THSD7B: variants seen among roughly 807,000 people sequenced by gnomAD.
THSD7B encodes the protein thrombospondin type 1 domain containing 7B.
In THSD7B, 138 loss-of-function variants were observed where a neutral mutation model predicts 213.6. The ratio of observed to expected loss-of-function variants is 0.65; its 90% CI spans 0.56 to 0.74. THSD7B has a LOEUF of 0.74. Among genes scored for constraint, THSD7B ranks in the 30% least tolerant of loss-of-function variants. The pLI, the probability that THSD7B is intolerant of heterozygous loss-of-function variation, is 0.00. For missense variants in THSD7B, 1,931 were observed against 1,991.5 expected (o/e 0.97, Z 0.58); for synonymous variants, 742 against 687.0 (o/e 1.08, Z -1.25).
At chr2:137,130,573 C>T (rs947282910) in intron 5 of THSD7B, among the ~76,000 whole-genome samples, 2 of 145,160 alleles carry the variant, frequency 1.4e-5, no homozygotes, top group African/African-American at 5.2e-5. Context: ...GTTCCCCTTC[C>T]TGTGTCCATG....
intron 3 of THSD7B, among the ~76,000 whole-genome samples, chr2:137,068,146 T>C (rs11902711): frequency 0.39 from 59,423 of 151,852 alleles, 13,777 homozygotes; most frequent in African/African-American, 0.65. Flanking sequence ...TCTGATGGAT[T>C]TAAGAAGGGT....
intron 7 of THSD7B, among the ~76,000 whole-genome samples, chr2:137,213,388 T>C (rs1681165355): frequency 6.8e-6 from 1 of 147,802 alleles, no homozygotes; most frequent in South Asian, 2.1e-4. Flanking sequence ...TATGTTATAA[T>C]ATGTACTATA....
intron 1 of THSD7B, among the ~76,000 whole-genome samples, chr2:136,866,944 C>CTT (rs36020398): frequency 2.0e-4 from 30 of 151,020 alleles, no homozygotes; most frequent in East Asian, 7.8e-4. Context: ...TAGCCCAGTT[C>CTT]TTTTTTTTTC....
intron 10 of THSD7B, among the ~76,000 whole-genome samples, chr2:137,269,302 T>C (rs1022737929): frequency 1.3e-5 from 2 of 152,226 alleles, no homozygotes; most frequent in African/African-American, 4.8e-5. Flanking sequence ...AATGCAACTG[T>C]TTTTCTCAAA....
intron 15 of THSD7B, among the ~76,000 whole-genome samples, chr2:137,486,967 C>T (rs1688461919): frequency 6.6e-6 from 1 of 152,104 alleles, no homozygotes; most frequent in African/African-American, 2.4e-5. Context: ...CACAACATAC[C>T]AGAATCTCTG....
At chr2:137,170,701 G>A (rs772741923) in intron 6 of THSD7B, 40 bp from the exon 7 acceptor site, 2 of 1,590,200 alleles carry the variant, frequency 1.3e-6, no homozygotes, top group Non-Finnish European at 1.7e-6. Flanking sequence ...TCCTGGAAAA[G>A]AGTGGAATTC....
intron 15 of THSD7B, among the ~76,000 whole-genome samples, chr2:137,463,602 G>T (rs537159394): frequency 6.6e-6 from 1 of 152,056 alleles, no homozygotes; most frequent in Middle Eastern, 3.4e-3. Context: ...AGCTTTATTG[G>T]CAATATTGGT....
At chr2:137,011,703 T>A (rs531355034) in intron 2 of THSD7B, among the ~76,000 whole-genome samples, 1 of 152,250 alleles carries the variant, frequency 6.6e-6, no homozygotes, top group South Asian at 2.1e-4. Flanking sequence ...AAGCTCCTTT[T>A]CCCTGTCCAA....
chr2:136,908,396 A>G (rs1293544110), intron 2 of THSD7B, among the ~76,000 whole-genome samples: 1 of 152,232 alleles, frequency 6.6e-6, no homozygotes, highest in African/African-American at 2.4e-5. Flanking sequence ...ATCTGAGGAA[A>G]CTAAGTCACG....
chr2:137,600,818 T>C (rs1682062738), intron 17 of THSD7B, among the ~76,000 whole-genome samples: 1 of 152,116 alleles, frequency 6.6e-6, no homozygotes, highest in Non-Finnish European at 1.5e-5. Flanking sequence ...ATGGATGCCA[T>C]TATTATTGTA....
At chr2:137,110,200 A>AT in intron 4 of THSD7B, among the ~76,000 whole-genome samples, 1 of 152,182 alleles carries the variant, frequency 6.6e-6, no homozygotes, top group Non-Finnish European at 1.5e-5. Flanking sequence ...ACCAGAAGGT[A>AT]ATCTTCCCAA....
At chr2:137,317,068 C>T (rs140182823) in intron 12 of THSD7B, among the ~76,000 whole-genome samples, 1 of 152,276 alleles carries the variant, frequency 6.6e-6, no homozygotes, top group Admixed American at 6.5e-5. Context: ...CAGCATTAAA[C>T]TGATCCATGA....
At chr2:137,186,584 A>G (rs981122306) in intron 7 of THSD7B, among the ~76,000 whole-genome samples, 1 of 152,010 alleles carries the variant, frequency 6.6e-6, no homozygotes, top group African/African-American at 2.4e-5. Context: ...CTGTGTTTGT[A>G]CCCATACTAT....
intron 12 of THSD7B, among the ~76,000 whole-genome samples, chr2:137,295,299 G>A (rs1226568372): frequency 6.6e-6 from 1 of 152,092 alleles, no homozygotes; most frequent in Non-Finnish European, 1.5e-5. Context: ...AGTGATACAT[G>A]CTTAGTCTCT....
At chr2:137,570,942 C>A (rs73958894) in intron 16 of THSD7B, among the ~76,000 whole-genome samples, 1 of 151,952 alleles carries the variant, frequency 6.6e-6, no homozygotes, top group South Asian at 2.1e-4. Flanking sequence ...CTTTATTAAA[C>A]CATTTTGAAA....
intron 14 of THSD7B, among the ~76,000 whole-genome samples, chr2:137,422,111 G>A (rs911892215): frequency 5.3e-5 from 8 of 152,124 alleles, no homozygotes; most frequent in African/African-American, 9.7e-5. Context: ...TGAAGCATTC[G>A]CAGAGTGTTA....
intron 15 of THSD7B, among the ~76,000 whole-genome samples, chr2:137,539,810 T>TA (rs1680577542): frequency 6.6e-6 from 1 of 151,708 alleles, no homozygotes; most frequent in Non-Finnish European, 1.5e-5. Context: ...CCCAAAATGT[T>TA]ACATTGTGTT....
At chr2:137,251,653 G>A (rs1255728317) in intron 10 of THSD7B, among the ~76,000 whole-genome samples, 1 of 152,162 alleles carries the variant, frequency 6.6e-6, no homozygotes, top group Non-Finnish European at 1.5e-5. Context: ...TGACCCGTGG[G>A]TAAAACTTAA....
intron 21 of THSD7B, among the ~76,000 whole-genome samples, chr2:137,647,553 G>A (rs1683058558): frequency 6.6e-6 from 1 of 151,044 alleles, no homozygotes; most frequent in Non-Finnish European, 1.5e-5. Context: ...AGCAGCAATA[G>A]TCACAAAGCC....
Sources: gnomAD v4.1 joint callset for allele counts (sites outside exome capture counted in the v4.1 genomes callset) on GRCh38, gnomAD v4.1.1 for gene constraint, MANE v1.5 for transcripts, NCBI Gene and HGNC (gene_info 2026-07-23, HGNC 2026-07-21) for gene names.